Variants in LMAN1 observed in about 807,000 individuals in gnomAD.
LMAN1 encodes the protein lectin, mannose binding 1.
In LMAN1, 32 loss-of-function variants were observed where a neutral mutation model predicts 67.8. The observed-to-expected ratio is 0.47, with a 90% CI of 0.36 to 0.63. The LOEUF (loss-of-function observed/expected upper bound fraction) is 0.63. LMAN1 is among the 30% of genes least tolerant of loss of function. LMAN1 has a pLI of 0.00. For missense variants in LMAN1, 632 were observed against 628.2 expected, an observed-to-expected ratio of 1.01 and a Z score of -0.06; for synonymous variants, 235 against 219.3, an observed-to-expected ratio of 1.07 and a Z score of -0.63.
intron 4 of LMAN1, among the ~76,000 whole-genome samples, chr18:59,353,957 G>GT (rs1353367178): frequency 2.6e-5 from 4 of 152,082 alleles, no homozygotes; most frequent in Non-Finnish European, 5.9e-5. Context: ...TTGTTACAAT[G>GT]TATTTTAAAA....
intron 7 of LMAN1, among the ~76,000 whole-genome samples, chr18:59,346,839 A>ATT (rs1237667059): frequency 1.4e-4 from 21 of 152,072 alleles, no homozygotes; most frequent in African/African-American, 5.1e-4. Flanking sequence ...CTCTAATAAT[A>ATT]ACCACTACCA....
At chr18:59,334,334 G>C (rs371318413) in intron 10 of LMAN1, among the ~76,000 whole-genome samples, 18 of 152,302 alleles carry the variant, frequency 1.2e-4, no homozygotes, top group African/African-American at 4.1e-4. Context: ...GGGAATATTA[G>C]GGATATAAAC....
At chr18:59,345,565 C>T (rs1159658927) in intron 8 of LMAN1, among the ~76,000 whole-genome samples, 2 of 152,132 alleles carry the variant, frequency 1.3e-5, no homozygotes, top group Admixed American at 1.3e-4. Flanking sequence ...ATTTACTGAA[C>T]CTGAACTACT....
At chr18:59,349,576 T>C (rs1482818778) in intron 5 of LMAN1, among the ~76,000 whole-genome samples, 1 of 152,150 alleles carries the variant, frequency 6.6e-6, no homozygotes, top group East Asian at 1.9e-4. Context: ...TGTTCTCAGA[T>C]CCCAGTGACA....
rs1908741313 is a variant in LMAN1 at position 59,359,219 on chromosome 18, A to G, written c.26T>C (p.Leu9Pro). The change falls in exon 1 of 13, where the codon CTC becomes CCC. Residue 9 changes from leucine (L) to proline (P), a missense_variant. By Grantham distance (98) the Leu-to-Pro change is moderately conservative. Transcript: ENST00000251047. ...GAACAGCGGCCGAACTCTGGCCCGG[A>G]GACCCCTTTGCCTGGATCCCGCCAT... MAGSRQRG[L>P]RARVRPLFCA... 1.3e-5 allele frequency: 21 copies of G among 1,613,914 alleles called. No individual in the cohort carries two copies. Among genetic ancestry groups the G allele is most frequent in the Non-Finnish European group, 1.6e-5 (19 of 1,179,878 alleles).
chr18:59,334,102 T>A (rs1000680151), intron 10 of LMAN1, among the ~76,000 whole-genome samples: 4 of 152,224 alleles, frequency 2.6e-5, no homozygotes, highest in African/African-American at 7.2e-5. Context: ...CATAACATTT[T>A]AATATAACTA....
At chr18:59,355,201 G>C in intron 3 of LMAN1, 112 bp downstream of exon 3, 2 of 795,432 alleles carry the variant, frequency 2.5e-6, no homozygotes, top group Non-Finnish European at 2.2e-6. Context: ...TATAGCTTGG[G>C]GAGTTCTGTA....
chr18:59,356,054 A>AAG (rs1908654685), intron 1 of LMAN1, among the ~76,000 whole-genome samples: 1 of 152,218 alleles, frequency 6.6e-6, no homozygotes, highest in Non-Finnish European at 1.5e-5. Context: ...ACTAGGAATC[A>AAG]AGAGACTTGT....
At chr18:59,343,401 T>C (rs185058281) in intron 8 of LMAN1, among the ~76,000 whole-genome samples, 2 of 152,206 alleles carry the variant, frequency 1.3e-5, no homozygotes, top group African/African-American at 2.4e-5. Flanking sequence ...CTTCAAATTA[T>C]ACTACAAGGC....
At chr18:59,354,447 T>C (rs1908613723) in intron 4 of LMAN1, 72 bp downstream of exon 4, 4 of 862,600 alleles carry the variant, frequency 4.6e-6, no homozygotes, top group Non-Finnish European at 5.9e-6. Context: ...TGTTCAGATT[T>C]GAAACAATGT....
intron 10 of LMAN1, among the ~76,000 whole-genome samples, chr18:59,335,507 C>A (rs941802743): frequency 6.6e-6 from 1 of 151,248 alleles, no homozygotes; most frequent in Non-Finnish European, 1.5e-5. Flanking sequence ...AAGAACAAAC[C>A]GGAAGCTAAC....
intron 11 of LMAN1, among the ~76,000 whole-genome samples, chr18:59,331,948 C>T (rs2070750126): frequency 6.6e-6 from 1 of 152,156 alleles, no homozygotes. Context: ...TACATGGTTA[C>T]CCTACCAATG....
intron 1 of LMAN1, among the ~76,000 whole-genome samples, chr18:59,356,702 A>G (rs917504147): frequency 2.0e-5 from 3 of 152,222 alleles, no homozygotes; most frequent in Non-Finnish European, 4.4e-5. Flanking sequence ...GAGACTGAAC[A>G]CAGAATCAGA....
chr18:59,342,542 C>T (rs1908311123), intron 8 of LMAN1, among the ~76,000 whole-genome samples: 1 of 152,016 alleles, frequency 6.6e-6, no homozygotes, highest in African/African-American at 2.4e-5. Context: ...TATGATACAC[C>T]ACATAAACAG....
chr18:59,342,289 T>TGAG (rs1483529612), intron 8 of LMAN1, among the ~76,000 whole-genome samples: 2 of 151,858 alleles, frequency 1.3e-5, no homozygotes, highest in Non-Finnish European at 2.9e-5. Flanking sequence ...TCCAAAACAC[T>TGAG]GAGGAGAGAA....
chr18:59,343,198 C>G (rs1425643856), intron 8 of LMAN1, among the ~76,000 whole-genome samples: 1 of 151,590 alleles, frequency 6.6e-6, no homozygotes, highest in African/African-American at 2.4e-5. Flanking sequence ...TTGGAAGAAT[C>G]AATATTGTTA....
chr18:59,358,212 A>C (rs1224340114), intron 1 of LMAN1, among the ~76,000 whole-genome samples: 1 of 152,232 alleles, frequency 6.6e-6, no homozygotes, highest in African/African-American at 2.4e-5. Flanking sequence ...CTTATCTACA[A>C]AAGTGCCAAA....
chr18:59,346,865 C>T (rs58987732), intron 7 of LMAN1, among the ~76,000 whole-genome samples: 1 of 152,046 alleles, frequency 6.6e-6, no homozygotes, highest in African/African-American at 2.4e-5. Context: ...TGAGCACTTG[C>T]TATACGTGCA....
intron 8 of LMAN1, among the ~76,000 whole-genome samples, chr18:59,345,482 T>C (rs1416329164): frequency 6.6e-6 from 1 of 152,194 alleles, no homozygotes; most frequent in Non-Finnish European, 1.5e-5. Context: ...TTAAGGATTA[T>C]CTCCACACTA....
Sources: allele counts gnomAD v4.1 joint callset (sites outside exome capture counted in the v4.1 genomes callset), GRCh38; gene constraint gnomAD v4.1.1; transcripts MANE v1.5; gene names NCBI Gene and HGNC (gene_info 2026-07-23, HGNC 2026-07-21).